The following DLG4 variants were observed in gnomAD, a reference collection of about 807,000 sequenced individuals.
The protein encoded by DLG4 is discs large MAGUK scaffold protein 4.
DLG4 carries 7 observed loss-of-function variants against 93.8 expected under a neutral mutation model. That is an observed-to-expected ratio of 0.07 (90% CI 0.04 to 0.14). The LOEUF is 0.14. Among genes scored for constraint, DLG4 ranks in the 10% least tolerant of loss-of-function variants. The probability of loss-of-function intolerance (pLI) is 1.00; values close to 1 mark genes in which losing one functional copy is unlikely to be tolerated. For missense variants in DLG4, 545 were observed against 992.9 expected (o/e 0.55, Z 6.06); for synonymous variants, 341 against 387.6 (o/e 0.88, Z 1.41).
chr17:7,193,824 C>T lies in DLG4; in HGVS notation c.1543+20G>A, dbSNP rs748095443. ...TCAGTGCTCCTCTCACCCACATCTT[C>T]CCGAACTAACCCTACCTACCCTGCG... On this transcript the variant is annotated intron_variant, in intron 14 of 19. Coordinates refer to ENST00000399506, the MANE Select transcript of DLG4 (RefSeq NM_001321075.3). This position sits in a 1 kb window ranked among gnomAD's most constrained non-coding sequence, Gnocchi z 6.7. The T allele has an allele frequency of 1.9e-6, 3 of 1,612,962 alleles. No individual in the cohort carries two copies. The Admixed American group carries it at 5.0e-5, about 27-fold the overall frequency.
At chr17:7,217,030 A>G in intron 1 of DLG4, 88 bp downstream of exon 1, 1 of 1,174,490 alleles carries the variant, frequency 8.5e-7, no homozygotes, top group Non-Finnish European at 1.1e-6. Flanking sequence ...CTGCCACTCC[A>G]GGGGCGCCAG....
chr17:7,214,695 G>A (rs1192070983), intron 1 of DLG4, among the ~76,000 whole-genome samples: 1 of 152,160 alleles, frequency 6.6e-6, no homozygotes, highest in Middle Eastern at 3.2e-3. Context: ...AGTCCGCCAC[G>A]CAGCTTCAGT....
At chr17:7,210,507 C>T (rs557961817) in intron 1 of DLG4, among the ~76,000 whole-genome samples, 1 of 152,276 alleles carries the variant, frequency 6.6e-6, no homozygotes, top group African/African-American at 2.4e-5. Flanking sequence ...AGCCCTCCTC[C>T]AAGGCTGAGC....
chr17:7,219,748 G>A, upstream of DLG4: 1 of 1,453,422 alleles, frequency 6.9e-7, no homozygotes, highest in South Asian at 1.4e-5. Flanking sequence ...TAGGTCGGAC[G>A]GGCGGGATTA....
At chr17:7,206,676 A>G (rs390200) in intron 2 of DLG4, among the ~76,000 whole-genome samples, 83,141 of 151,884 alleles carry the variant, frequency 0.55, 23,532 homozygotes, top group Middle Eastern at 0.7. Flanking sequence ...TTGCTCTGTC[A>G]GCCTCATTCA....
At chr17:7,198,482 C>A (rs866093368) in intron 8 of DLG4, among the ~76,000 whole-genome samples, 150 of 116,986 alleles carry the variant, frequency 1.3e-3, no homozygotes, top group Admixed American at 1.4e-3. Flanking sequence ...GACTCCCTCT[C>A]AAAAAAAAAA....
In DLG4 at chr17:7,195,028, AAAAAAG is replaced by A. The variant is rs201281411; in HGVS notation, c.1302-539_1302-534del. On this transcript the variant is annotated intron_variant, in intron 11 of 19. Transcript: ENST00000399506. The surrounding 1 kb of genome is among the most constrained non-coding windows in gnomAD (Gnocchi z 4.3). Reference sequence around the variant, plus strand: ...AGCGAGACACCGTCTCAAAAAAAAAAAAAAAGAAAAAGAAAAAGAAAAACAGAAAGC... The same window carrying A: ...AGCGAGACACCGTCTCAAAAAAAAAAAAAAAGAAAAAGAAAAACAGAAAGC... Among the ~76,000 whole-genome samples the A allele has an allele frequency of 0.053, 7,942 of 151,108 alleles. 229 individuals are homozygous for A. Among genetic ancestry groups the A allele is most frequent in the Non-Finnish European group, 0.083 (5,588 of 67,532 alleles).
intron 1 of DLG4, among the ~76,000 whole-genome samples, chr17:7,213,363 G>A (rs1016864753): frequency 2.0e-5 from 3 of 152,048 alleles, no homozygotes; most frequent in African/African-American, 7.2e-5. Context: ...GGCTCCCAAA[G>A]TGCTGGGATT....
Position 7,217,582 on chromosome 17 carries a change from C to CG in DLG4, c.-436dup. On this transcript the variant is annotated 5_prime_UTR_variant, in exon 1 of 20. Transcript: ENST00000399506. Reference sequence around the variant, plus strand: ...GGGGTGGGGGGGTTGGAAACGGCAGCGGCCGAGGGAGCCGTGGAGCCGAAG... The same window carrying CG: ...GGGGTGGGGGGGTTGGAAACGGCAGCGGGCCGAGGGAGCCGTGGAGCCGAAG... 1 of 1,336,216 alleles carries CG rather than the reference C, an allele frequency of 7.5e-7. No homozygotes were observed. The highest frequency in any genetic ancestry group is 1.5e-5 in the South Asian group (1 of 67,080). 82.8% of individuals were successfully genotyped at this position (1,336,216 alleles called of 1,614,324 possible). A position where few individuals can be genotyped will look rare whatever the true frequency, so the allele number is the denominator to read the frequency against.
At chr17:7,202,811 A>C (rs762518864) in intron 8 of DLG4, 92 bp downstream of exon 8, 1 of 1,511,700 alleles carries the variant, frequency 6.6e-7, no homozygotes, top group South Asian at 1.2e-5. Flanking sequence ...GGAATATCTG[A>C]AGAGGGACAG....
In DLG4 at chr17:7,187,308, G is replaced by GA; in HGVS notation, c.*3399_*3400insT. Among the ~76,000 whole-genome samples, 1 of 75,052 alleles carries GA rather than the reference G, an allele frequency of 1.3e-5. No homozygotes were observed. Among genetic ancestry groups the GA allele is most frequent in the African/African-American group, 6.5e-5 (1 of 15,416 alleles). The allele number at this position is 75,052 out of a possible 152,430, so 49.2% of individuals were successfully genotyped here. On this transcript the variant is annotated 3_prime_UTR_variant, in exon 20 of 20. Transcript: ENST00000399506. ...TAATCCTAGCACTTTGGGAGGCCGA[G>GA]GGGGGGGGGGGTGGATCACCCGAGG... is the stretch of plus-strand genomic sequence containing the variant.
At chr17:7,205,099 G>T in intron 2 of DLG4, 11 of 985,606 alleles carry the variant, frequency 1.1e-5, no homozygotes, top group Non-Finnish European at 1.3e-5. Context: ...GGGCTGAAGA[G>T]GTTTGTGGGC....
intron 3 of DLG4, 57 bp from the exon 4 acceptor site, chr17:7,204,124 C>T: frequency 6.3e-7 from 1 of 1,598,772 alleles, no homozygotes; most frequent in Non-Finnish European, 8.5e-7. Context: ...TGACCACCTG[C>T]CCGTCATCTG....
Position 7,189,362 on chromosome 17 carries a change from A to G in DLG4, c.*1346T>C, listed in dbSNP as rs1320927605. Reference sequence around the variant, plus strand: ...AAATTAGCCAGGCATGGTGGCAGTAATCTGTAATCCCAGCTACTCAGGGGG... The same window carrying G: ...AAATTAGCCAGGCATGGTGGCAGTAGTCTGTAATCCCAGCTACTCAGGGGG... On this transcript the variant is annotated 3_prime_UTR_variant, in exon 20 of 20. Coordinates refer to ENST00000399506, the MANE Select transcript of DLG4 (RefSeq NM_001321075.3). Among the ~76,000 whole-genome samples, 10 of 150,822 alleles carry G rather than the reference A, an allele frequency of 6.6e-5. No individual in the cohort carries two copies. The highest frequency in any genetic ancestry group is 1.3e-4 in the Admixed American group (2 of 15,136).
chr17:7,194,308 A>C lies in DLG4; in HGVS notation c.1478+11T>G, dbSNP rs745615074. 7 of 1,599,288 alleles carry C rather than the reference A, an allele frequency of 4.4e-6. No individual in the cohort carries two copies. The South Asian group carries it at 7.9e-5, about 18-fold the overall frequency. On this transcript the variant is annotated intron_variant, in intron 12 of 19. Coordinates refer to ENST00000399506, the MANE Select transcript of DLG4 (RefSeq NM_001321075.3). This position sits in a 1 kb window ranked among gnomAD's most constrained non-coding sequence, Gnocchi z 4.4. Reference sequence around the variant, plus strand: ...CTGTGGCAGGAAGGCTACAGAGCCCAGGAGCCTCACCGCCGTTTGCTGGGG... The same window carrying C: ...CTGTGGCAGGAAGGCTACAGAGCCCCGGAGCCTCACCGCCGTTTGCTGGGG...
In DLG4 at chr17:7,204,240, G is replaced by T. The variant is rs758437498; in HGVS notation, c.109C>A (p.Pro37Thr). 1 of 1,595,396 alleles carries T rather than the reference G, an allele frequency of 6.3e-7. No individual in the cohort carries two copies. The highest frequency in any genetic ancestry group is 8.6e-7 in the Non-Finnish European group (1 of 1,169,080). The change falls in exon 3 of 20, where the codon CCA (proline) becomes ACA (threonine). Residue 37 changes from proline to threonine, a missense_variant. Physicochemically the swap from Pro to Thr is conservative, Grantham distance 38. Transcript: ENST00000399506. ...AGGGTATCTGTGTTGACAATCACTG[G>T]GGGAGAATTGGCCTGTTTGGGAAAA... ...AHLPNQANSP[P>T]VIVNTDTLEA...
chr17:7,215,102 T>A (rs1328609095), intron 1 of DLG4, among the ~76,000 whole-genome samples: 1 of 151,972 alleles, frequency 6.6e-6, no homozygotes, highest in Non-Finnish European at 1.5e-5. Context: ...GAACCACAAC[T>A]CCCAACAGCG....
At chr17:7,218,773 G>T, upstream of DLG4, 1 of 1,604,948 alleles carries the variant, frequency 6.2e-7, no homozygotes, top group Non-Finnish European at 8.5e-7. Context: ...GGATCTCCGA[G>T]CCCCAGCCCC....
In DLG4 at chr17:7,217,158, C is replaced by A; in HGVS notation, c.-11G>T. On this transcript the variant is annotated 5_prime_UTR_variant, in exon 1 of 20. In the 5' UTR this introduces an upstream ATG that the reference lacks. Transcript: ENST00000399506. ...ACAGAGACAGTCCATGTTGGGGGGC[C>A]TGGCCGCGGCGGCGGGTAAGGGGCT... 7.8e-7 allele frequency: 1 copy of A among 1,289,386 alleles called. No homozygotes were observed. The highest frequency in any genetic ancestry group is 9.9e-7 in the Non-Finnish European group (1 of 1,014,842). The allele number at this position is 1,289,386 out of a possible 1,614,324, so 79.9% of individuals were successfully genotyped here.
Sources: gnomAD v4.1 joint callset for allele counts (sites outside exome capture counted in the v4.1 genomes callset) on GRCh38, gnomAD v4.1.1 for gene constraint, Gnocchi (gnomAD v3.1) non-coding constraint, MANE v1.5 for transcripts, NCBI Gene and HGNC (gene_info 2026-07-23, HGNC 2026-07-21) for gene names.